Variants in TIAM2 observed in about 807,000 individuals in gnomAD.
TIAM2 encodes the protein rho guanine nucleotide exchange factor TIAM2.
In TIAM2, 80 loss-of-function variants were observed where a neutral mutation model predicts 152.9. The observed-to-expected ratio is 0.52, with a 90% confidence interval of 0.44 to 0.63. The LOEUF is 0.63. TIAM2 is among the 30% of genes least tolerant of loss of function. The pLI is 0.00. For synonymous variants in TIAM2, 804 were observed against 838.0 expected (o/e 0.96, Z 0.70); for missense variants, 1,965 against 2,120.1 (o/e 0.93, Z 1.44).
chr6:155,238,279 A>G (rs540892318), intron 15 of TIAM2, among the ~76,000 whole-genome samples: 61 of 152,260 alleles, frequency 4.0e-4, no homozygotes, highest in African/African-American at 1.4e-3. Context: ...CTCAGCCTGG[A>G]CCTTATTATT....
At chr6:155,142,778 G>A (rs140236349) in intron 5 of TIAM2, among the ~76,000 whole-genome samples, 7 of 152,178 alleles carry the variant, frequency 4.6e-5, no homozygotes, top group South Asian at 2.1e-4. Flanking sequence ...TTTTATTTGC[G>A]GGGAGGAGCA....
intron 7 of TIAM2, among the ~76,000 whole-genome samples, chr6:155,164,146 C>CT (rs71544361): frequency 1.2e-4 from 15 of 125,362 alleles, no homozygotes; most frequent in African/African-American, 3.8e-4. Context: ...TTTTTTTTTT[C>CT]TTTTTTTTAG....
At chr6:155,140,460 G>A (rs949818966) in intron 5 of TIAM2, among the ~76,000 whole-genome samples, 1 of 152,086 alleles carries the variant, frequency 6.6e-6, no homozygotes, top group African/African-American at 2.4e-5. Flanking sequence ...AATTCTGTGA[G>A]AATTTCTTCC....
chr6:155,124,063 A>G (rs1317327297), intron 2 of TIAM2, among the ~76,000 whole-genome samples: 1 of 152,196 alleles, frequency 6.6e-6, no homozygotes, highest in Non-Finnish European at 1.5e-5. Flanking sequence ...TCTGTCACCC[A>G]GGCTGGAGTC....
At chr6:155,178,781 G>A (rs1780820207) in intron 10 of TIAM2, among the ~76,000 whole-genome samples, 1 of 152,060 alleles carries the variant, frequency 6.6e-6, no homozygotes, top group Non-Finnish European at 1.5e-5. Context: ...TGCTGTATTG[G>A]CTAGGCTGGT....
At chr6:155,029,696 G>T (rs1351484046) in intron 1 of TIAM2, among the ~76,000 whole-genome samples, 3 of 133,976 alleles carry the variant, frequency 2.2e-5, no homozygotes, top group Admixed American at 8.4e-5. Context: ...ACTATATATA[G>T]AGATATATAA....
intron 1 of TIAM2, among the ~76,000 whole-genome samples, chr6:155,047,133 C>A (rs73571674): frequency 1.1e-3 from 170 of 152,232 alleles, no homozygotes; most frequent in African/African-American, 3.0e-3. Flanking sequence ...CCATACTCAT[C>A]CAGAAGGCAG....
chr6:155,199,966 G>T (rs1262437061), intron 14 of TIAM2, among the ~76,000 whole-genome samples: 1 of 152,206 alleles, frequency 6.6e-6, no homozygotes, highest in Non-Finnish European at 1.5e-5. Flanking sequence ...TGGTAGCTTG[G>T]ACAAGGTCAT....
Position 155,020,756 on chromosome 6 carries a change from C to A in TIAM2, c.-209+25264C>A, listed in dbSNP as rs1295108874. On this transcript the variant is annotated intron_variant, in intron 1 of 26. Coordinates refer to ENST00000682666, the MANE Select transcript of TIAM2 (RefSeq NM_012454.4). ...GGGATTACAGGCATGAGCCACTGTG[C>A]CCGGCCATATTAGCCATTTTTAAGT... Among the ~76,000 whole-genome samples, 4 of 152,342 alleles carry A rather than the reference C, an allele frequency of 2.6e-5. No individual in the cohort carries two copies. In the East Asian group the frequency reaches 7.7e-4, roughly 29 times the overall value.
chr6:155,189,651 G>C (rs188956817), intron 14 of TIAM2, among the ~76,000 whole-genome samples: 41 of 152,162 alleles, frequency 2.7e-4, no homozygotes, highest in Admixed American at 2.0e-3. Flanking sequence ...GTACATAAAG[G>C]TGAATTACAC....
At chr6:155,226,012 C>G (rs760044857) in intron 15 of TIAM2, among the ~76,000 whole-genome samples, 18 of 152,212 alleles carry the variant, frequency 1.2e-4, no homozygotes, top group Non-Finnish European at 2.5e-4. Flanking sequence ...GTTTTATATA[C>G]TTATAACTTT....
chr6:155,190,139 C>G (rs985577208), intron 14 of TIAM2, among the ~76,000 whole-genome samples: 1 of 152,198 alleles, frequency 6.6e-6, no homozygotes, highest in African/African-American at 2.4e-5. Flanking sequence ...TACTACTTCC[C>G]CCTGCCTTCT....
At chr6:155,255,226 T>C (rs984345733) in intron 26 of TIAM2, 2 of 152,222 alleles carry the variant, frequency 1.3e-5, no homozygotes, top group Non-Finnish European at 2.9e-5. Context: ...TTCTCGACTT[T>C]CCATATTATC....
intron 15 of TIAM2, among the ~76,000 whole-genome samples, chr6:155,224,703 C>G (rs925361636): frequency 6.6e-6 from 1 of 152,260 alleles, no homozygotes; most frequent in African/African-American, 2.4e-5. Flanking sequence ...ATGCTGCCGC[C>G]TCTGCTATTC....
intron 14 of TIAM2, among the ~76,000 whole-genome samples, chr6:155,199,539 T>C (rs1781431920): frequency 6.6e-6 from 1 of 152,252 alleles, no homozygotes; most frequent in African/African-American, 2.4e-5. Flanking sequence ...GGCAGGTTAC[T>C]ATAACTATTT....
intron 1 of TIAM2, among the ~76,000 whole-genome samples, chr6:155,080,886 C>T (rs978635978): frequency 1.3e-5 from 2 of 152,168 alleles, no homozygotes; most frequent in Non-Finnish European, 2.9e-5. Context: ...GAGATATCCC[C>T]AGAGGGCAGC....
chr6:155,246,144 G>A (rs1186963988), intron 19 of TIAM2, among the ~76,000 whole-genome samples: 1 of 151,822 alleles, frequency 6.6e-6, no homozygotes, highest in African/African-American at 2.4e-5. Context: ...CACAAGAAGT[G>A]TGTCAGCTGA....
chr6:155,169,034 T>C (rs1780511303), intron 9 of TIAM2: 8 of 999,558 alleles, frequency 8.0e-6, no homozygotes, highest in Non-Finnish European at 8.5e-6. Context: ...CTGGCTCTGT[T>C]GCCCAGGCTG....
At chr6:155,041,054 A>C (rs1037337973) in intron 1 of TIAM2, among the ~76,000 whole-genome samples, 1 of 152,082 alleles carries the variant, frequency 6.6e-6, no homozygotes, top group Admixed American at 6.6e-5. Context: ...TGTAGATTTC[A>C]GTGTCCACAC....
Sources: gnomAD v4.1 joint callset for allele counts (sites outside exome capture counted in the v4.1 genomes callset) on GRCh38, gnomAD v4.1.1 for gene constraint, MANE v1.5 for transcripts, NCBI Gene and HGNC (gene_info 2026-07-23, HGNC 2026-07-21) for gene names.